The following MCTP1 variants were observed in gnomAD, a reference collection of about 807,000 sequenced individuals.
MCTP1 encodes the protein multiple C2 and transmembrane domain-containing protein 1.
Under a neutral mutation model 120.6 loss-of-function variants are expected in MCTP1, and 69 were observed. The observed-to-expected ratio is 0.57, with a 90% CI of 0.47 to 0.70. The LOEUF is 0.70. Ranked by LOEUF, MCTP1 falls within the 30% of genes least tolerant of loss-of-function variation. The pLI, the probability that MCTP1 is intolerant of heterozygous loss-of-function variation, is 0.00. For missense variants in MCTP1, 1,203 were observed against 1,248.8 expected (o/e 0.96, Z 0.55); for synonymous variants, 529 against 493.1 (o/e 1.07, Z -0.96).
intron 2 of MCTP1, among the ~76,000 whole-genome samples, chr5:94,978,828 TAA>T (rs755806194): frequency 1.3e-5 from 2 of 152,120 alleles, no homozygotes; most frequent in Non-Finnish European, 1.5e-5. Context: ...AAAAATGTGT[TAA>T]GAGTGTAGAT....
At position 95,276,251 on chromosome 5, in the gene MCTP1, ATTTTTT is replaced by A. The variant is rs34667866; in HGVS notation, c.720+7599_720+7604del. On this transcript the variant is annotated intron_variant, in intron 1 of 22. Transcript: ENST00000515393. ...GACAGGATTCTTGGTCAATATTGGG[ATTTTTT>A]TTTTTTTTTTTTTTTTTTTTGATCG... Among the ~76,000 whole-genome samples, 335 of 84,772 alleles carry A rather than the reference ATTTTTT, an allele frequency of 4.0e-3. 1 individual carries two copies. Among genetic ancestry groups the A allele is most frequent in the African/African-American group, 1.0e-2 (211 of 21,108 alleles). The allele number at this position is 84,772 out of a possible 152,430, so 55.6% of individuals were successfully genotyped here.
At chr5:94,982,419 A>G (rs945398109) in intron 2 of MCTP1, among the ~76,000 whole-genome samples, 7 of 152,198 alleles carry the variant, frequency 4.6e-5, no homozygotes, top group Admixed American at 3.3e-4. Flanking sequence ...TGAGATAGCC[A>G]TCATTTCAAG....
At chr5:94,757,286 A>G (rs1488445283) in intron 19 of MCTP1, among the ~76,000 whole-genome samples, 1 of 152,206 alleles carries the variant, frequency 6.6e-6, no homozygotes, top group Non-Finnish European at 1.5e-5. Flanking sequence ...GTCTTAAAAA[A>G]TGGATGGGTC....
intron 6 of MCTP1, among the ~76,000 whole-genome samples, chr5:94,927,036 C>G (rs1369346754): frequency 6.6e-6 from 1 of 152,160 alleles, no homozygotes; most frequent in African/African-American, 2.4e-5. Context: ...ATTGTCACAG[C>G]AAATCCCTGT....
intron 17 of MCTP1, among the ~76,000 whole-genome samples, chr5:94,846,828 TG>T (rs2153220727): frequency 6.6e-6 from 1 of 151,972 alleles, no homozygotes; most frequent in South Asian, 2.1e-4. Flanking sequence ...TGTGTGTGTG[TG>T]TGTGTGTGTG....
intron 20 of MCTP1, 135 bp from the exon 21 acceptor site, chr5:94,711,062 TCAGAGGACG>T (rs1756757434): frequency 1.5e-6 from 1 of 682,346 alleles, no homozygotes; most frequent in East Asian, 2.9e-5. Flanking sequence ...TAATAGGTTA[TCAGAGGACG>T]CAGGCTAGCC....
At chr5:94,947,655 A>C (rs1287634075) in intron 3 of MCTP1, among the ~76,000 whole-genome samples, 1 of 144,376 alleles carries the variant, frequency 6.9e-6, no homozygotes, top group Non-Finnish European at 1.5e-5. Flanking sequence ...TCACTCTGTC[A>C]CCCAGGCTGG....
intron 1 of MCTP1, among the ~76,000 whole-genome samples, chr5:95,019,564 G>T (rs1378964977): frequency 6.6e-6 from 1 of 151,980 alleles, no homozygotes; most frequent in Non-Finnish European, 1.5e-5. Context: ...CAGAGGACTG[G>T]TGCTTTCATT....
intron 1 of MCTP1, among the ~76,000 whole-genome samples, chr5:95,188,539 G>A (rs1164171793): frequency 6.6e-6 from 1 of 152,118 alleles, no homozygotes; most frequent in African/African-American, 2.4e-5. Context: ...TATACACACA[G>A]CTTAGATAAA....
At chr5:95,025,996 TTATA>T (rs1470023296) in intron 1 of MCTP1, among the ~76,000 whole-genome samples, 3 of 152,078 alleles carry the variant, frequency 2.0e-5, no homozygotes, top group African/African-American at 7.2e-5. Context: ...GGAGGTCTTT[TTATA>T]TAAATAAAGA....
intron 1 of MCTP1, among the ~76,000 whole-genome samples, chr5:95,187,242 C>G (rs916297758): frequency 1.2e-4 from 18 of 152,094 alleles, no homozygotes; most frequent in African/African-American, 4.3e-4. Context: ...AAATGTGGTA[C>G]ATATACAAAA....
At chr5:94,793,748 C>T (rs1779439913) in intron 18 of MCTP1, 1 of 152,194 alleles carries the variant, frequency 6.6e-6, no homozygotes, top group African/African-American at 2.4e-5. Flanking sequence ...CCACATATTC[C>T]ACCACAGACT....
intron 1 of MCTP1, among the ~76,000 whole-genome samples, chr5:95,222,437 AG>A: frequency 6.6e-6 from 1 of 152,268 alleles, no homozygotes; most frequent in Non-Finnish European, 1.5e-5. Context: ...TAATAGTCAA[AG>A]CTTGCTAATT....
chr5:94,909,432 A>C (rs1471759865), intron 9 of MCTP1, 51 bp from the exon 10 acceptor site: 18 of 1,555,398 alleles, frequency 1.2e-5, no homozygotes, highest in Non-Finnish European at 1.4e-5. Context: ...TTTAAAAAAA[A>C]CTTCAACCTG....
At chr5:95,273,875 T>C (rs1759601735) in intron 1 of MCTP1, among the ~76,000 whole-genome samples, 1 of 152,186 alleles carries the variant, frequency 6.6e-6, no homozygotes, top group African/African-American at 2.4e-5. Context: ...TGATGAACTC[T>C]TTTTACTCCC....
chr5:95,020,333 A>G (rs1288422397), intron 1 of MCTP1, among the ~76,000 whole-genome samples: 1 of 152,146 alleles, frequency 6.6e-6, no homozygotes, highest in Non-Finnish European at 1.5e-5. Context: ...TAACTACACT[A>G]GATTTTTCAC....
chr5:94,780,743 G>A, intron 18 of MCTP1, among the ~76,000 whole-genome samples: 1 of 152,060 alleles, frequency 6.6e-6, no homozygotes, highest in African/African-American at 2.4e-5. Flanking sequence ...AAACCCCTTT[G>A]TCCAAGGCAC....
intron 12 of MCTP1, among the ~76,000 whole-genome samples, chr5:94,882,572 T>C (rs150173233): frequency 6.6e-6 from 1 of 152,330 alleles, no homozygotes; most frequent in East Asian, 1.9e-4. Context: ...ACAATGATTC[T>C]AGCATCATGA....
chr5:94,940,724 T>C (rs183440236), intron 4 of MCTP1, among the ~76,000 whole-genome samples: 244 of 151,070 alleles, frequency 1.6e-3, no homozygotes, highest in African/African-American at 5.4e-3. Context: ...CAAAAATTAA[T>C]AGAAAAAACT....
Sources: gnomAD v4.1 joint callset for allele counts (sites outside exome capture counted in the v4.1 genomes callset) on GRCh38, gnomAD v4.1.1 for gene constraint, MANE v1.5 for transcripts, NCBI Gene and HGNC (gene_info 2026-07-23, HGNC 2026-07-21) for gene names.